MGAM: variants seen among roughly 807,000 people sequenced by gnomAD.
The protein encoded by MGAM is maltase-glucoamylase.
Under a neutral mutation model 358.8 loss-of-function variants are expected in MGAM, and 253 were observed. That is an observed-to-expected ratio of 0.71 (90% CI 0.64 to 0.78). MGAM has a LOEUF of 0.78. Ranked by LOEUF, MGAM falls within the 30% of genes least tolerant of loss-of-function variation. The probability of loss-of-function intolerance (pLI) is 0.00; values close to 1 mark genes in which losing one functional copy is unlikely to be tolerated. For synonymous variants in MGAM, 1,105 were observed against 1,227.1 expected (o/e 0.90, Z 2.08); for missense variants, 3,080 against 3,432.6 (o/e 0.90, Z 2.57).
intron 22 of MGAM, 101 bp downstream of exon 22, chr7:142,047,974 G>C: frequency 1.1e-6 from 1 of 904,482 alleles, no homozygotes; most frequent in Non-Finnish European, 1.8e-6. Flanking sequence ...AATCTCAGTA[G>C]GCACAGTAGC....
chr7:142,055,438 T>C, intron 27 of MGAM, 120 bp from the exon 28 acceptor site: 1 of 1,229,854 alleles, frequency 8.1e-7, no homozygotes. Flanking sequence ...TTCAGTTTTG[T>C]TTGGGATATG....
intron 60 of MGAM, among the ~76,000 whole-genome samples, chr7:142,093,931 C>T (rs1222570036): frequency 6.9e-6 from 1 of 145,264 alleles, no homozygotes; most frequent in Non-Finnish European, 1.6e-5. Flanking sequence ...CTTTGGAGTT[C>T]TTTTTTGTTT....
Position 142,032,819 on chromosome 7 carries a change from T to C in MGAM, c.1585-6T>C. 1 of 1,600,918 alleles carries C rather than the reference T, an allele frequency of 6.2e-7. No individual in the cohort carries two copies. The highest frequency in any genetic ancestry group is 8.5e-7 in the Non-Finnish European group (1 of 1,171,258). Reference sequence around the variant, plus strand: ...TTCTTAATAGTTTTTGCTCTTTGTCTTGTAGGATATGAATGAAGTCTCCAA... The same window carrying C: ...TTCTTAATAGTTTTTGCTCTTTGTCCTGTAGGATATGAATGAAGTCTCCAA... On this transcript the variant is annotated splice_polypyrimidine_tract_variant and splice_region_variant and intron_variant, in intron 13 of 70. Coordinates refer to ENST00000475668, the MANE Select transcript of MGAM (RefSeq NM_001365693.1).
In MGAM at chr7:142,061,128, C is replaced by G. The variant is rs543501563; in HGVS notation, c.4122+755C>G. On this transcript the variant is annotated intron_variant, in intron 34 of 70. Coordinates refer to ENST00000475668, the MANE Select transcript of MGAM (RefSeq NM_001365693.1). ...AAGAGTTGAATATGGACAGGCAAAG[C>G]CAGCACCTTGGAGAACGGCAGAACA... Among the ~76,000 whole-genome samples, 7 of 152,296 alleles carry G rather than the reference C, an allele frequency of 4.6e-5. No individual in the cohort carries two copies. The South Asian group carries it at 1.4e-3, about 32-fold the overall frequency.
intron 66 of MGAM, among the ~76,000 whole-genome samples, chr7:142,098,064 A>T (rs1262830508): frequency 6.6e-6 from 1 of 152,200 alleles, no homozygotes; most frequent in Non-Finnish European, 1.5e-5. Flanking sequence ...CTTTTTATTA[A>T]ATATCTCCTT....
chr7:142,084,691 C>G lies in MGAM; in HGVS notation c.6507+47C>G. The G allele has an allele frequency of 2.0e-6, 3 of 1,535,120 alleles. 1 individual carries two copies. Among genetic ancestry groups the G allele is most frequent in the Non-Finnish European group, 2.7e-6 (3 of 1,120,598 alleles). On this transcript the variant is annotated intron_variant, in intron 54 of 70. Transcript: ENST00000475668. ...TGGAGTTTGAAAACTAACCCAGGTGCCTCTGTGTCTGGCTTCATTTGTCTA... is the reference window on the plus strand; with the variant it reads ...TGGAGTTTGAAAACTAACCCAGGTGGCTCTGTGTCTGGCTTCATTTGTCTA...
At chr7:142,017,214 T>C (rs1311636838) in intron 3 of MGAM, among the ~76,000 whole-genome samples, 1 of 152,178 alleles carries the variant, frequency 6.6e-6, no homozygotes, top group African/African-American at 2.4e-5. Flanking sequence ...ACTGTTTTGG[T>C]AGTTACACAT....
chr7:142,037,093 T>C, intron 18 of MGAM, 116 bp downstream of exon 18: 1 of 1,031,028 alleles, frequency 9.7e-7, no homozygotes, highest in Non-Finnish European at 1.4e-6. Flanking sequence ...TATCTATCTG[T>C]ATCTATATCT....
At chr7:142,067,551 C>T in intron 42 of MGAM, 126 bp downstream of exon 42, 2 of 673,232 alleles carry the variant, frequency 3.0e-6, no homozygotes, top group East Asian at 3.1e-5. Flanking sequence ...TGTGTCTCTT[C>T]CTCTCTTTCT....
At chr7:142,046,537 T>C (rs1393076174) in intron 21 of MGAM, among the ~76,000 whole-genome samples, 1 of 152,102 alleles carries the variant, frequency 6.6e-6, no homozygotes, top group Non-Finnish European at 1.5e-5. Flanking sequence ...CTTGGATCAC[T>C]AGGCTTAGTA....
intron 3 of MGAM, among the ~76,000 whole-genome samples, chr7:142,017,155 G>A (rs968850910): frequency 1.3e-5 from 2 of 151,068 alleles, no homozygotes; most frequent in African/African-American, 4.9e-5. Context: ...TTAATTTTTT[G>A]GATCGAGGAT....
chr7:142,064,310 C>T, intron 36 of MGAM, 74 bp from the exon 37 acceptor site: 2 of 1,549,202 alleles, frequency 1.3e-6, no homozygotes, highest in Non-Finnish European at 1.7e-6. Flanking sequence ...GATCCAGGGC[C>T]CAGTCCCTTG....
In MGAM at chr7:142,022,415, T is replaced by C; in HGVS notation, c.858T>C (p.Phe286=). 6.2e-7 allele frequency: 1 copy of C among 1,613,540 alleles called. No individual in the cohort carries two copies. The highest frequency in any genetic ancestry group is 8.5e-7 in the Non-Finnish European group (1 of 1,179,594). Residue 286 remains phenylalanine, a synonymous_variant, in exon 7 of 71, where the codon TTT becomes TTC. Transcript: ENST00000475668. The part of the protein sequence containing the change: ...HDMNWKTWPI[F]NRDTTPNGNG... ...TGAATTGGAAGACCTGGCCCATATT[T>C]AACAGAGACACAACTCCCAATGGAG...
intron 57 of MGAM, among the ~76,000 whole-genome samples, chr7:142,089,498 G>A (rs991691020): frequency 1.4e-5 from 2 of 146,352 alleles, no homozygotes; most frequent in African/African-American, 2.4e-5. Context: ...TGTAGTTTTT[G>A]CCATTGAAAG....
In MGAM at chr7:142,074,160, T is replaced by TG; in HGVS notation, c.5265dup (p.Gln1756AlafsTer15). 6.5e-7 allele frequency: 1 copy of TG among 1,536,810 alleles called. No homozygotes were observed. ...CAAAAGGAGAACTTTTCTGGGATGA[T>TG]GGGCAAACAAAGGGTGAGCGCTGTT... On this transcript the variant is annotated frameshift_variant, in exon 45 of 71. Transcript: ENST00000475668. LOFTEE classifies it high-confidence loss of function.
chr7:142,000,506 C>T (rs962891444), intron 1 of MGAM, among the ~76,000 whole-genome samples: 2 of 152,178 alleles, frequency 1.3e-5, no homozygotes, highest in Non-Finnish European at 2.9e-5. Context: ...TCACTAAGTC[C>T]AGCTCATCCT....
intron 3 of MGAM, among the ~76,000 whole-genome samples, chr7:142,010,380 A>G (rs1339666928): frequency 6.6e-6 from 1 of 152,082 alleles, no homozygotes; most frequent in African/African-American, 2.4e-5. Flanking sequence ...CTTCTCAGCT[A>G]CCAGATTTCT....
At chr7:142,096,083 G>T in intron 64 of MGAM, 1 of 600,562 alleles carries the variant, frequency 1.7e-6, no homozygotes. Flanking sequence ...GTTTGCCATG[G>T]TTGAGAAATG....
rs572984549 is a variant in MGAM, at chr7:142,060,590, T to A, written c.4122+217T>A. Among the ~76,000 whole-genome samples the A allele has an allele frequency of 6.6e-5, 10 of 152,384 alleles. No individual in the cohort carries two copies. In the East Asian group the frequency reaches 1.9e-3, roughly 29 times the overall value. Reference sequence around the variant, plus strand: ...TAGATATGTATTATTATCCTTGGAATTTAAGACCAGAGAGCTTAAATTATT... The same window carrying A: ...TAGATATGTATTATTATCCTTGGAAATTAAGACCAGAGAGCTTAAATTATT... On this transcript the variant is annotated intron_variant, in intron 34 of 70. Transcript: ENST00000475668.
Sources: allele counts gnomAD v4.1 joint callset (sites outside exome capture counted in the v4.1 genomes callset), GRCh38; gene constraint gnomAD v4.1.1; transcripts MANE v1.5; gene names NCBI Gene and HGNC (gene_info 2026-07-23, HGNC 2026-07-21).